SRP9: variants seen among roughly 807,000 people sequenced by gnomAD.
The protein encoded by SRP9 is signal recognition particle 9 kDa protein.
In SRP9, 2 loss-of-function variants were observed where a neutral mutation model predicts 11.7. That is an observed-to-expected ratio of 0.17 (90% CI 0.07 to 0.54). The LOEUF (loss-of-function observed/expected upper bound fraction) is 0.54, where lower values mean the gene tolerates loss of function less well. SRP9 is among the 20% of genes least tolerant of loss of function. The pLI is 0.94. For synonymous variants in SRP9, 27 were observed against 35.6 expected, an observed-to-expected ratio of 0.76 and a Z score of 0.86; for missense variants, 54 against 108.1, an observed-to-expected ratio of 0.50 and a Z score of 2.22.
intron 2 of SRP9, chr1:225,788,964 C>T: frequency 6.5e-7 from 1 of 1,536,222 alleles, no homozygotes; most frequent in Non-Finnish European, 8.8e-7. Context: ...CTCATCAGAC[C>T]ATAGCAGGAT....
intron 1 of SRP9, among the ~76,000 whole-genome samples, chr1:225,779,476 A>G (rs1665753194): frequency 2.0e-5 from 3 of 152,232 alleles, no homozygotes; most frequent in Admixed American, 1.3e-4. Context: ...GAAACTATTG[A>G]TGATCATTAA....
chr1:225,789,140 T>C (rs773823606), intron 2 of SRP9, 100 bp from the exon 3 acceptor site: 1 of 1,551,704 alleles, frequency 6.4e-7, no homozygotes, highest in South Asian at 1.2e-5. Context: ...AGCAAAACAG[T>C]GGTAGGAAAA....
chr1:225,788,961 G>T, intron 2 of SRP9: 1 of 1,534,206 alleles, frequency 6.5e-7, no homozygotes, highest in South Asian at 1.2e-5. Context: ...CTTCTCATCA[G>T]ACCATAGCAG....
Position 225,790,056 on chromosome 1 carries a change from C to A in SRP9, c.*697C>A, listed in dbSNP as rs1344018012. 6.6e-6 allele frequency: 1 copy of A among 152,202 alleles called. No homozygotes were observed. The highest frequency in any genetic ancestry group is 6.5e-5 in the Admixed American group (1 of 15,280). 9.4% of individuals were successfully genotyped at this position (152,202 alleles called of 1,614,324 possible). On this transcript the variant is annotated 3_prime_UTR_variant, in exon 3 of 3. Transcript: ENST00000304786. ...TTGAGTGTATGAATGGAATGATGAT[C>A]ACTGTGCTATAATGTACTGAAACCA... is the stretch of plus-strand genomic sequence containing the variant.
intron 1 of SRP9, among the ~76,000 whole-genome samples, chr1:225,782,992 C>T (rs919539161): frequency 6.6e-6 from 1 of 152,184 alleles, no homozygotes; most frequent in African/African-American, 2.4e-5. Context: ...CAAGAAATGC[C>T]ACCTTATAAG....
At chr1:225,788,139 A>G (rs911636675) in intron 2 of SRP9, among the ~76,000 whole-genome samples, 1 of 152,212 alleles carries the variant, frequency 6.6e-6, no homozygotes, top group Non-Finnish European at 1.5e-5. Context: ...TTAAGTATCT[A>G]GTGAAGAATT....
Position 225,784,404 on chromosome 1 carries a change from G to T in SRP9, c.141+1036G>T, listed in dbSNP as rs186649411. ...TGGGACTACAGGCACCCACCACCACGCCCAGCTAATTTTTTTTTGTATTTT... is the reference window on the plus strand; with the variant it reads ...TGGGACTACAGGCACCCACCACCACTCCCAGCTAATTTTTTTTTGTATTTT... On this transcript the variant is annotated intron_variant, in intron 2 of 2. Transcript: ENST00000304786. Among the ~76,000 whole-genome samples, 287 of 141,540 alleles carry T rather than the reference G, an allele frequency of 2.0e-3. 1 individual carries two copies. In the East Asian group the frequency reaches 0.041, roughly 20 times the overall value. 92.9% of individuals were successfully genotyped at this position (141,540 alleles called of 152,430 possible).
intron 2 of SRP9, chr1:225,786,810 T>C: frequency 7.9e-7 from 1 of 1,261,342 alleles, no homozygotes; most frequent in Non-Finnish European, 1.0e-6. Context: ...ATTGAGTACA[T>C]GTATTCTTTT....
chr1:225,788,224 G>A (rs551993172), intron 2 of SRP9, among the ~76,000 whole-genome samples: 40 of 151,988 alleles, frequency 2.6e-4, no homozygotes, highest in African/African-American at 8.7e-4. Context: ...GAGAAACCCC[G>A]TCTCTACTAA....
At chr1:225,786,966 C>G (rs1196034449) in intron 2 of SRP9, 1 of 491,350 alleles carries the variant, frequency 2.0e-6, no homozygotes, top group Admixed American at 3.0e-5. Flanking sequence ...CTTCAGCCTC[C>G]TGAATAGCAG....
At position 225,783,371 on chromosome 1, in the gene SRP9, A is replaced by G. The variant is rs1665836391; in HGVS notation, c.141+3A>G. The G allele has an allele frequency of 6.9e-6, 11 of 1,601,266 alleles. No homozygotes were observed. The highest frequency in any genetic ancestry group is 9.4e-6 in the Non-Finnish European group (11 of 1,169,854). On this transcript the variant is annotated splice_donor_region_variant and intron_variant, in intron 2 of 2. Transcript: ENST00000304786. The stretch of plus-strand genomic sequence containing the variant: ...TTAAAGTAACAGATGATTTAGTTGT[A>G]AGTATACATTTTTATTTGTTACATA...
intron 2 of SRP9, among the ~76,000 whole-genome samples, chr1:225,784,545 G>C (rs546920551): frequency 6.6e-6 from 1 of 150,668 alleles, no homozygotes; most frequent in African/African-American, 2.4e-5. Flanking sequence ...CACCCCACCC[G>C]GCCTATCATC....
intron 2 of SRP9, chr1:225,786,894 G>A: frequency 9.1e-7 from 1 of 1,100,436 alleles, no homozygotes. Flanking sequence ...TCAGGCTGCA[G>A]TGCAGTGGCA....
intron 1 of SRP9, among the ~76,000 whole-genome samples, chr1:225,780,554 T>TA (rs1343834527): frequency 6.6e-6 from 1 of 152,214 alleles, no homozygotes; most frequent in South Asian, 2.1e-4. Flanking sequence ...TTATACATAA[T>TA]ATATGAACAA....
intron 1 of SRP9, among the ~76,000 whole-genome samples, chr1:225,782,531 G>A (rs1043898621): frequency 6.6e-6 from 1 of 152,152 alleles, no homozygotes; most frequent in Non-Finnish European, 1.5e-5. Flanking sequence ...GAAAAACTGC[G>A]ATACACTGTG....
At chr1:225,778,044 C>T (rs748400612) in intron 1 of SRP9, 32 bp downstream of exon 1, 5 of 1,612,522 alleles carry the variant, frequency 3.1e-6, no homozygotes, top group Admixed American at 3.3e-5. Flanking sequence ...TGCTTTGGGC[C>T]CCAGCCCAGG....
At chr1:225,779,245 A>G (rs1022646899) in intron 1 of SRP9, among the ~76,000 whole-genome samples, 1 of 152,026 alleles carries the variant, frequency 6.6e-6, no homozygotes, top group Admixed American at 6.6e-5. Flanking sequence ...CCTGGGTTCA[A>G]ACGGTTCTCC....
intron 1 of SRP9, among the ~76,000 whole-genome samples, chr1:225,780,178 ATTTTTTTTTTT>A (rs67816765): frequency 7.1e-4 from 92 of 130,160 alleles, no homozygotes; most frequent in African/African-American, 1.1e-3. Context: ...TGCCTGCCTA[ATTTTTTTTTTT>A]TTTTTTTTTT....
At chr1:225,781,165 T>C (rs1278576938) in intron 1 of SRP9, among the ~76,000 whole-genome samples, 1 of 152,232 alleles carries the variant, frequency 6.6e-6, no homozygotes, top group Admixed American at 6.5e-5. Flanking sequence ...GCCACCTCCT[T>C]TTTTAGACTT....
Sources: allele counts gnomAD v4.1 joint callset (sites outside exome capture counted in the v4.1 genomes callset), GRCh38; gene constraint gnomAD v4.1.1; transcripts MANE v1.5; gene names NCBI Gene and HGNC (gene_info 2026-07-23, HGNC 2026-07-21).